DEFB110: variants seen among roughly 807,000 people sequenced by gnomAD.
DEFB110 encodes defensin beta 110.
DEFB110 carries 4 observed loss-of-function variants against 2.5 expected under a neutral mutation model. The ratio of observed to expected loss-of-function variants is 1.60; its 90% CI spans 0.79 to 3.66. The LOEUF (loss-of-function observed/expected upper bound fraction) is 3.66. DEFB110 is among the 30% of genes most tolerant of loss of function. The pLI is 0.01. For synonymous variants in DEFB110, 29 were observed against 21.8 expected, an observed-to-expected ratio of 1.33 and a Z score of -0.92; for missense variants, 94 against 75.4, an observed-to-expected ratio of 1.25 and a Z score of -0.91.
intron 1 of DEFB110, among the ~76,000 whole-genome samples, chr6:50,020,886 A>C (rs1774407141): frequency 1.3e-5 from 2 of 152,204 alleles, no homozygotes; most frequent in African/African-American, 4.8e-5. Flanking sequence ...ATATGTGATT[A>C]CCCGTGACAG....
At chr6:50,012,191 G>C (rs1319958969) in intron 1 of DEFB110, among the ~76,000 whole-genome samples, 1 of 151,936 alleles carries the variant, frequency 6.6e-6, no homozygotes, top group Non-Finnish European at 1.5e-5. Context: ...GTTACTCACT[G>C]TTTATGCCCT....
chr6:50,018,260 T>C (rs889963501), downstream of DEFB110, among the ~76,000 whole-genome samples: 6 of 151,990 alleles, frequency 3.9e-5, no homozygotes, highest in Non-Finnish European at 8.8e-5. Flanking sequence ...CTCTCAGGAC[T>C]GAATAGCTGC....
downstream of DEFB110, chr6:50,018,738 T>A (rs143121584): frequency 1.9e-4 from 201 of 1,075,236 alleles, no homozygotes; most frequent in African/African-American, 3.1e-3. Context: ...CACTGAAAAC[T>A]TGAGGAACTT....
In DEFB110 at chr6:50,019,237, C is replaced by A. The variant is rs1327419050; in HGVS notation, c.56-112G>T. 6.1e-6 allele frequency: 7 copies of A among 1,142,038 alleles called. No homozygotes were observed. The African/African-American group carries it at 9.4e-5, about 15-fold the overall frequency. 70.7% of individuals were successfully genotyped at this position (1,142,038 alleles called of 1,614,324 possible). A position where few individuals can be genotyped will look rare whatever the true frequency, so the allele number is the denominator to read the frequency against. On this transcript the variant is annotated intron_variant, in intron 1 of 1. Coordinates refer to ENST00000371148, the MANE Select transcript of DEFB110 (RefSeq NM_001037497.2). The stretch of plus-strand genomic sequence containing the variant: ...TTATAGAGTGAAAATGTCCACCTAC[C>A]TATGGAGGAAAGTTTAAGTGAATTT...
chr6:50,013,429 A>G (rs1422633003), intron 1 of DEFB110, among the ~76,000 whole-genome samples: 1 of 151,844 alleles, frequency 6.6e-6, no homozygotes, highest in African/African-American at 2.4e-5. Flanking sequence ...TATGGATGTG[A>G]ACTTTAGAAA....
intron 1 of DEFB110, 66 bp downstream of exon 1, chr6:50,021,815 A>G: frequency 7.0e-7 from 1 of 1,419,162 alleles, no homozygotes; most frequent in Non-Finnish European, 9.5e-7. Context: ...CATATTTTTT[A>G]TCAAGAAACA....
downstream of DEFB110, among the ~76,000 whole-genome samples, chr6:50,016,348 C>T (rs1333580972): frequency 6.6e-6 from 1 of 151,846 alleles, no homozygotes; most frequent in African/African-American, 2.4e-5. Flanking sequence ...CTGCTCAAGA[C>T]TCACAAGAAA....
At chr6:50,017,119 T>C (rs185712799), downstream of DEFB110, among the ~76,000 whole-genome samples, 459 of 151,956 alleles carry the variant, frequency 3.0e-3, 5 homozygotes, top group Non-Finnish European at 1.1e-3. Flanking sequence ...AATCAAACTT[T>C]CATAACTTTC....
intron 1 of DEFB110, among the ~76,000 whole-genome samples, chr6:50,020,331 T>C (rs1479704425): frequency 1.3e-5 from 2 of 152,104 alleles, no homozygotes; most frequent in Non-Finnish European, 2.9e-5. Flanking sequence ...CTATTCCAAG[T>C]CAATTTTTTT....
chr6:50,021,299 C>T (rs1774414783), intron 1 of DEFB110, among the ~76,000 whole-genome samples: 1 of 152,122 alleles, frequency 6.6e-6, no homozygotes, highest in Non-Finnish European at 1.5e-5. Context: ...TGGTACTGTG[C>T]CAGTAGTACA....
At chr6:50,018,773 T>C (rs1774361577), downstream of DEFB110, 2 of 1,245,860 alleles carry the variant, frequency 1.6e-6, no homozygotes, top group Non-Finnish European at 2.0e-6. Context: ...CTGCTACTTC[T>C]GGTACCAACA....
intron 1 of DEFB110, among the ~76,000 whole-genome samples, chr6:50,010,604 A>C (rs997725538): frequency 6.6e-6 from 1 of 150,724 alleles, no homozygotes; most frequent in African/African-American, 2.4e-5. Context: ...TTGACATGTA[A>C]ATTATATATT....
chr6:50,015,801 T>C (rs1422444160), downstream of DEFB110, among the ~76,000 whole-genome samples: 1 of 151,810 alleles, frequency 6.6e-6, no homozygotes, highest in African/African-American at 2.4e-5. Context: ...AGCTGTTCAA[T>C]AGATATTTAT....
chr6:50,015,293 C>T (rs747347508), downstream of DEFB110, among the ~76,000 whole-genome samples: 10 of 151,766 alleles, frequency 6.6e-5, no homozygotes, highest in Admixed American at 2.6e-4. Context: ...TTAATAACTT[C>T]GAGAGACCTT....
intron 1 of DEFB110, among the ~76,000 whole-genome samples, chr6:50,020,326 C>T (rs967793347): frequency 6.6e-6 from 1 of 151,724 alleles, no homozygotes; most frequent in Admixed American, 6.6e-5. Context: ...GTGATCTATT[C>T]CAAGTCAATT....
At chr6:50,012,488 T>C (rs1774244185) in intron 1 of DEFB110, among the ~76,000 whole-genome samples, 3 of 151,962 alleles carry the variant, frequency 2.0e-5, no homozygotes, top group Admixed American at 2.0e-4. Flanking sequence ...AGTTATTTCC[T>C]GTCAACTTAG....
At chr6:50,017,271 T>C (rs903196146), downstream of DEFB110, among the ~76,000 whole-genome samples, 2 of 151,874 alleles carry the variant, frequency 1.3e-5, no homozygotes, top group African/African-American at 4.8e-5. Context: ...TTTAAATAGA[T>C]AACTATTTCT....
At chr6:50,020,583 C>G (rs1561992947) in intron 1 of DEFB110, among the ~76,000 whole-genome samples, 1 of 152,158 alleles carries the variant, frequency 6.6e-6, no homozygotes, top group Admixed American at 6.6e-5. Context: ...TTGGCCTAGG[C>G]AGTCTGTCTG....
At chr6:50,012,301 A>G (rs1054316720) in intron 1 of DEFB110, among the ~76,000 whole-genome samples, 26 of 151,960 alleles carry the variant, frequency 1.7e-4, no homozygotes, top group African/African-American at 5.8e-4. Context: ...CAGGCCCACT[A>G]TATACCTCAT....
Sources: gnomAD v4.1 joint callset for allele counts (sites outside exome capture counted in the v4.1 genomes callset) on GRCh38, gnomAD v4.1.1 for gene constraint, MANE v1.5 for transcripts, NCBI Gene and HGNC (gene_info 2026-07-23, HGNC 2026-07-21) for gene names.